The following SPIDR variants were observed in gnomAD, a reference collection of about 807,000 sequenced individuals.
SPIDR encodes DNA repair-scaffolding protein.
SPIDR carries 93 observed loss-of-function variants against 104.6 expected under a neutral mutation model. That is an observed-to-expected ratio of 0.89 (90% CI 0.75 to 1.06). The LOEUF is 1.06. SPIDR is among the 50% of genes least tolerant of loss of function. The pLI is 0.00. For missense variants in SPIDR, 1,154 were observed against 1,111.2 expected (o/e 1.04, Z -0.55); for synonymous variants, 431 against 416.9 (o/e 1.03, Z -0.41).
intron 11 of SPIDR, among the ~76,000 whole-genome samples, chr8:47,677,710 A>G (rs2076615009): frequency 2.0e-5 from 3 of 152,220 alleles, no homozygotes; most frequent in Admixed American, 1.3e-4. Context: ...AGGCAGAAGT[A>G]TTAGAGTAGT....
At chr8:47,728,557 TGTGCAGGC>T (rs1245314117) in intron 17 of SPIDR, among the ~76,000 whole-genome samples, 1 of 152,006 alleles carries the variant, frequency 6.6e-6, no homozygotes, top group Non-Finnish European at 1.5e-5. Flanking sequence ...GATGAGCACA[TGTGCAGGC>T]ATGCAGGGTA....
At chr8:47,499,370 TG>T (rs2079978300) in intron 8 of SPIDR, among the ~76,000 whole-genome samples, 1 of 152,158 alleles carries the variant, frequency 6.6e-6, no homozygotes, top group Non-Finnish European at 1.5e-5. Context: ...CTTAGAGCTT[TG>T]GGGTTTCCTC....
At chr8:47,672,019 A>G (rs566870474) in intron 10 of SPIDR, among the ~76,000 whole-genome samples, 1 of 152,222 alleles carries the variant, frequency 6.6e-6, no homozygotes, top group African/African-American at 2.4e-5. Flanking sequence ...GTGCAGTGAC[A>G]TGATGACAGC....
At chr8:47,684,279 T>TC (rs1279341687) in intron 11 of SPIDR, among the ~76,000 whole-genome samples, 1 of 152,084 alleles carries the variant, frequency 6.6e-6, no homozygotes, top group African/African-American at 2.4e-5. Context: ...CACTACCTAC[T>TC]CCCACATAAC....
chr8:47,305,977 T>C (rs1234641960), intron 5 of SPIDR, among the ~76,000 whole-genome samples: 1 of 152,202 alleles, frequency 6.6e-6, no homozygotes, highest in African/African-American at 2.4e-5. Flanking sequence ...CAGTAACTCC[T>C]CCTTCTGTCT....
chr8:47,624,566 TC>T (rs1439603372), intron 10 of SPIDR, among the ~76,000 whole-genome samples: 3 of 151,980 alleles, frequency 2.0e-5, no homozygotes, highest in Non-Finnish European at 4.4e-5. Context: ...TCACCACCGA[TC>T]CCACAGAAAT....
chr8:47,266,129 C>CTT lies in SPIDR; in HGVS notation c.33+5155_33+5156dup, dbSNP rs1224689414. ...TTGTGCATATCAGTAGTTTCTTTGT[C>CTT]TTTTTTTTTTTTTTTTTTGAGTTGG... On this transcript the variant is annotated intron_variant, in intron 1 of 19. Transcript: ENST00000297423. 4.2e-3 allele frequency among the ~76,000 whole-genome samples: 544 copies of CTT among 129,646 alleles called. 8 individuals are homozygous for CTT. The highest frequency in any genetic ancestry group is 0.015 in the African/African-American group (510 of 34,948). 85.1% of individuals were successfully genotyped at this position (129,646 alleles called of 152,430 possible).
intron 5 of SPIDR, among the ~76,000 whole-genome samples, chr8:47,393,738 T>C (rs2060906047): frequency 7.1e-6 from 1 of 140,428 alleles, no homozygotes; most frequent in Admixed American, 7.4e-5. Flanking sequence ...CTTTCCTTCC[T>C]TTCATTCTTT....
intron 10 of SPIDR, among the ~76,000 whole-genome samples, chr8:47,612,986 A>G (rs1270625120): frequency 6.6e-6 from 1 of 152,182 alleles, no homozygotes; most frequent in African/African-American, 2.4e-5. Flanking sequence ...ATTAACTTAT[A>G]TTTATTTGTT....
chr8:47,569,318 T>C (rs997240602), intron 8 of SPIDR, among the ~76,000 whole-genome samples: 34 of 152,130 alleles, frequency 2.2e-4, no homozygotes, highest in African/African-American at 8.2e-4. Context: ...AAAATAATAA[T>C]TAGAGACTTA....
chr8:47,287,945 T>G (rs371820280), intron 3 of SPIDR, among the ~76,000 whole-genome samples: 47 of 152,180 alleles, frequency 3.1e-4, no homozygotes, highest in African/African-American at 9.9e-4. Context: ...CATATTAAAA[T>G]GAAATCTTCA....
intron 1 of SPIDR, among the ~76,000 whole-genome samples, chr8:47,271,596 C>G (rs1260765555): frequency 2.0e-5 from 3 of 151,924 alleles, no homozygotes; most frequent in African/African-American, 7.2e-5. Flanking sequence ...TATTGATATT[C>G]GCTATTTGGT....
intron 10 of SPIDR, among the ~76,000 whole-genome samples, chr8:47,661,728 C>A (rs1368726511): frequency 6.6e-6 from 1 of 152,168 alleles, no homozygotes; most frequent in Non-Finnish European, 1.5e-5. Context: ...GCAGTTGCAG[C>A]CTTCTCTATA....
At chr8:47,369,386 A>G (rs546972957) in intron 5 of SPIDR, among the ~76,000 whole-genome samples, 1 of 152,224 alleles carries the variant, frequency 6.6e-6, no homozygotes, top group African/African-American at 2.4e-5. Flanking sequence ...TTTTAACTGT[A>G]TTTGAGACCA....
At chr8:47,436,118 C>T (rs1362633754) in intron 7 of SPIDR, among the ~76,000 whole-genome samples, 1 of 152,136 alleles carries the variant, frequency 6.6e-6, no homozygotes, top group Non-Finnish European at 1.5e-5. Flanking sequence ...TGGCCAGGCA[C>T]TTCGTGGTAC....
chr8:47,362,697 G>A (rs1229856198), intron 5 of SPIDR, among the ~76,000 whole-genome samples: 3 of 152,186 alleles, frequency 2.0e-5, no homozygotes, highest in Non-Finnish European at 4.4e-5. Flanking sequence ...CTGTCACCCA[G>A]GCTGGAGTGC....
At chr8:47,435,670 CTTCT>C (rs1227986901) in intron 7 of SPIDR, among the ~76,000 whole-genome samples, 1 of 152,176 alleles carries the variant, frequency 6.6e-6, no homozygotes, top group African/African-American at 2.4e-5. Flanking sequence ...GACAAGTTAT[CTTCT>C]TTTTCAGTGC....
At chr8:47,345,024 T>C (rs1489120715) in intron 5 of SPIDR, among the ~76,000 whole-genome samples, 1 of 152,242 alleles carries the variant, frequency 6.6e-6, no homozygotes, top group Admixed American at 6.5e-5. Context: ...GTTTTAGACA[T>C]GAAGTCCTTG....
At chr8:47,623,403 A>G (rs2065460137) in intron 10 of SPIDR, among the ~76,000 whole-genome samples, 1 of 152,242 alleles carries the variant, frequency 6.6e-6, no homozygotes, top group Non-Finnish European at 1.5e-5. Flanking sequence ...CTTTGAATGT[A>G]AATGGGCTAA....
Sources: allele counts gnomAD v4.1 joint callset (sites outside exome capture counted in the v4.1 genomes callset), GRCh38; gene constraint gnomAD v4.1.1; transcripts MANE v1.5; gene names NCBI Gene and HGNC (gene_info 2026-07-23, HGNC 2026-07-21).